The following UGGT2 variants were observed in gnomAD, a reference collection of about 807,000 sequenced individuals.
UGGT2 encodes UDP-glucose glycoprotein glucosyltransferase 2.
Under a neutral mutation model 192.1 loss-of-function variants are expected in UGGT2, and 180 were observed. That is an observed-to-expected ratio of 0.94 (90% CI 0.83 to 1.06). The LOEUF (loss-of-function observed/expected upper bound fraction) is 1.06. Among genes scored for constraint, UGGT2 ranks in the 50% least tolerant of loss-of-function variants. The probability of loss-of-function intolerance (pLI) is 0.00; values close to 1 mark genes in which losing one functional copy is unlikely to be tolerated. For synonymous variants in UGGT2, 580 were observed against 591.0 expected, an observed-to-expected ratio of 0.98 and a Z score of 0.27; for missense variants, 1,849 against 1,795.7, an observed-to-expected ratio of 1.03 and a Z score of -0.54.
At chr13:95,962,528 G>A (rs1047786659) in intron 12 of UGGT2, among the ~76,000 whole-genome samples, 1 of 152,034 alleles carries the variant, frequency 6.6e-6, no homozygotes, top group Non-Finnish European at 1.5e-5. Flanking sequence ...AACCAATAAT[G>A]AGTAATAAGA....
intron 37 of UGGT2, among the ~76,000 whole-genome samples, chr13:95,835,022 C>T (rs1367338072): frequency 6.6e-6 from 1 of 151,962 alleles, no homozygotes. Flanking sequence ...TTATTCAACC[C>T]AATATATCCA....
intron 26 of UGGT2, among the ~76,000 whole-genome samples, chr13:95,884,977 TTATTG>T (rs1258573478): frequency 6.6e-6 from 1 of 152,184 alleles, no homozygotes; most frequent in African/African-American, 2.4e-5. Context: ...TTATGATCTG[TTATTG>T]TATTATGATT....
intron 1 of UGGT2, among the ~76,000 whole-genome samples, chr13:96,050,376 T>C (rs1368384122): frequency 1.3e-5 from 2 of 152,030 alleles, no homozygotes; most frequent in Non-Finnish European, 2.9e-5. Flanking sequence ...CCATAAAAAC[T>C]CTAGAAGAAA....
chr13:95,930,067 C>T (rs567612188), intron 17 of UGGT2, among the ~76,000 whole-genome samples: 30 of 152,248 alleles, frequency 2.0e-4, no homozygotes, highest in African/African-American at 6.0e-4. Context: ...GCTTGTTGGC[C>T]GCCTGCGTGT....
At chr13:95,976,033 A>G (rs2050926800) in intron 10 of UGGT2, among the ~76,000 whole-genome samples, 1 of 152,114 alleles carries the variant, frequency 6.6e-6, no homozygotes, top group Non-Finnish European at 1.5e-5. Context: ...TCACCCTATT[A>G]TGCTAATGAA....
chr13:95,931,027 G>C (rs1213858453), intron 17 of UGGT2, among the ~76,000 whole-genome samples: 1 of 152,168 alleles, frequency 6.6e-6, no homozygotes, highest in East Asian at 1.9e-4. Context: ...TGGGCAGCCT[G>C]CTTTTATTCC....
At chr13:95,951,389 AGAAAG>A (rs1191718217) in intron 12 of UGGT2, among the ~76,000 whole-genome samples, 1 of 152,236 alleles carries the variant, frequency 6.6e-6, no homozygotes, top group Admixed American at 6.5e-5. Context: ...GGAAGAAAAG[AGAAAG>A]GAAGATATAG....
chr13:95,948,967 G>A (rs755431257), intron 13 of UGGT2, among the ~76,000 whole-genome samples: 2 of 152,112 alleles, frequency 1.3e-5, no homozygotes, highest in Non-Finnish European at 2.9e-5. Context: ...GGTTTTATAA[G>A]GGGCTTTCCC....
intron 36 of UGGT2, 68 bp from the exon 37 acceptor site, chr13:95,837,270 AG>A: frequency 9.5e-7 from 1 of 1,049,384 alleles, no homozygotes; most frequent in Non-Finnish European, 1.5e-6. Context: ...AGCTGAATGA[AG>A]TAAGACATCA....
intron 12 of UGGT2, among the ~76,000 whole-genome samples, chr13:95,950,665 A>AT (rs2050032784): frequency 6.6e-6 from 1 of 151,532 alleles, no homozygotes; most frequent in South Asian, 2.1e-4. Flanking sequence ...CTATCAATAT[A>AT]TTTTTTAAAA....
intron 20 of UGGT2, among the ~76,000 whole-genome samples, chr13:95,914,413 A>T (rs1452174497): frequency 6.6e-6 from 1 of 152,078 alleles, no homozygotes; most frequent in Non-Finnish European, 1.5e-5. Context: ...TCCTTGGACA[A>T]GTGAAAAGTT....
At chr13:95,929,282 A>G (rs2049158480) in intron 17 of UGGT2, among the ~76,000 whole-genome samples, 1 of 152,246 alleles carries the variant, frequency 6.6e-6, no homozygotes, top group African/African-American at 2.4e-5. Flanking sequence ...TTAATTAAAT[A>G]TATTTTTAAA....
intron 1 of UGGT2, among the ~76,000 whole-genome samples, chr13:96,038,947 T>C (rs963763821): frequency 6.6e-6 from 1 of 152,190 alleles, no homozygotes; most frequent in Non-Finnish European, 1.5e-5. Flanking sequence ...AATTCTCCCC[T>C]GTCCACCTGT....
rs199834617 is a variant in UGGT2, at chr13:95,890,935, T to C, written c.2885A>G (p.Asp962Gly). The C allele has an allele frequency of 6.2e-7, 1 of 1,612,528 alleles. No individual in the cohort carries two copies. The highest frequency in any genetic ancestry group is 2.2e-5 in the East Asian group (1 of 44,736). ...SVIKTNPQEN[D>G]MFFNVIAIVD... ...AATAGCAATGACATTGAAGAACATA[T>C]CATTCTCTTGAGGATTCGTCTTTAT... Residue 962 changes from aspartate to glycine, a missense_variant, in exon 25 of 39, where the codon GAT becomes GGT. Asp to Gly is a moderately conservative substitution (Grantham distance 94). Coordinates refer to ENST00000376747, the MANE Select transcript of UGGT2 (RefSeq NM_020121.4).
chr13:95,805,764 G>A (rs574745428), intron 38 of UGGT2, among the ~76,000 whole-genome samples: 5 of 152,208 alleles, frequency 3.3e-5, no homozygotes, highest in South Asian at 2.1e-4. Flanking sequence ...TTTGCCAGGG[G>A]CAGGGAGAGA....
At chr13:95,995,987 C>A (rs1208026206) in intron 7 of UGGT2, 76 bp downstream of exon 7, 2 of 1,286,348 alleles carry the variant, frequency 1.6e-6, no homozygotes, top group East Asian at 4.7e-5. Context: ...AAGCATATGG[C>A]AAAACAGTAT....
At chr13:95,819,161 A>G (rs1193798436) in intron 38 of UGGT2, among the ~76,000 whole-genome samples, 1 of 152,208 alleles carries the variant, frequency 6.6e-6, no homozygotes, top group African/African-American at 2.4e-5. Flanking sequence ...GTTTTTAAAT[A>G]TTGATAATAT....
intron 31 of UGGT2, among the ~76,000 whole-genome samples, chr13:95,862,290 G>A (rs1274047327): frequency 6.6e-6 from 1 of 152,160 alleles, no homozygotes; most frequent in Non-Finnish European, 1.5e-5. Context: ...ATATATTTAA[G>A]TTGTTGAATC....
intron 38 of UGGT2, among the ~76,000 whole-genome samples, chr13:95,803,298 T>A (rs1055334588): frequency 7.2e-5 from 11 of 152,146 alleles, no homozygotes; most frequent in Admixed American, 3.9e-4. Flanking sequence ...TTCACTCTTG[T>A]TGCCCAGATT....
Sources: gnomAD v4.1 joint callset for allele counts (sites outside exome capture counted in the v4.1 genomes callset) on GRCh38, gnomAD v4.1.1 for gene constraint, MANE v1.5 for transcripts, NCBI Gene and HGNC (gene_info 2026-07-23, HGNC 2026-07-21) for gene names.